The following HYKK variants were observed in gnomAD, a reference collection of about 807,000 sequenced individuals.
The protein encoded by HYKK is 5-hydroxy-L-lysine kinase.
A neutral mutation model predicts 29.7 loss-of-function variants in HYKK; 19 were observed. The ratio of observed to expected loss-of-function variants is 0.64; its 90% CI spans 0.45 to 0.94. HYKK has a LOEUF of 0.94. HYKK is among the 40% of genes least tolerant of loss of function. The pLI, the probability that HYKK is intolerant of heterozygous loss-of-function variation, is 0.00. For synonymous variants in HYKK, 152 were observed against 158.1 expected, an observed-to-expected ratio of 0.96 and a Z score of 0.29; for missense variants, 390 against 443.4, an observed-to-expected ratio of 0.88 and a Z score of 1.08.
chr15:78,531,208 T>C (rs1374516882), intron 4 of HYKK, among the ~76,000 whole-genome samples: 2 of 152,170 alleles, frequency 1.3e-5, no homozygotes, highest in East Asian at 3.9e-4. Flanking sequence ...ATATGTCTAG[T>C]GGCTACCATA....
intron 3 of HYKK, chr15:78,518,682 C>T: frequency 7.0e-6 from 3 of 431,258 alleles, no homozygotes; most frequent in East Asian, 7.8e-5. Context: ...CTTTGGGAGG[C>T]CGAGGCAGGT....
intron 1 of HYKK, among the ~76,000 whole-genome samples, chr15:78,510,361 A>T (rs980545260): frequency 1.1e-4 from 17 of 149,036 alleles, no homozygotes; most frequent in African/African-American, 2.5e-4. Flanking sequence ...TTTTTTTTTT[A>T]TTTTTATTTT....
At chr15:78,516,145 A>G (rs2052130160) in intron 3 of HYKK, among the ~76,000 whole-genome samples, 1 of 152,146 alleles carries the variant, frequency 6.6e-6, no homozygotes, top group Non-Finnish European at 1.5e-5. Flanking sequence ...AATGTATGAC[A>G]GGTACCTTTT....
chr15:78,515,474 T>C (rs1198187698), intron 3 of HYKK, among the ~76,000 whole-genome samples: 1 of 152,082 alleles, frequency 6.6e-6, no homozygotes, highest in African/African-American at 2.4e-5. Flanking sequence ...TCTCAGCTAC[T>C]TGGAAGACTG....
chr15:78,528,809 A>AG, intron 4 of HYKK: 1 of 983,412 alleles, frequency 1.0e-6, no homozygotes, highest in Non-Finnish European at 1.2e-6. Context: ...TCCAAAAAAA[A>AG]AAAAGGGCAA....
chr15:78,524,805 C>T (rs546495834), intron 3 of HYKK, among the ~76,000 whole-genome samples: 13 of 151,956 alleles, frequency 8.6e-5, no homozygotes, highest in Non-Finnish European at 1.2e-4. Context: ...AGAGACTCTG[C>T]CTCAAAAACA....
At chr15:78,519,306 C>A (rs1266249429) in intron 3 of HYKK, among the ~76,000 whole-genome samples, 1 of 152,224 alleles carries the variant, frequency 6.6e-6, no homozygotes, top group East Asian at 1.9e-4. Context: ...ACATATTAAA[C>A]ATTTCCGTCA....
At chr15:78,528,322 A>G (rs917650427) in intron 4 of HYKK, 2 of 565,876 alleles carry the variant, frequency 3.5e-6, no homozygotes, top group Non-Finnish European at 4.5e-6. Context: ...TTTATCCCAA[A>G]ACCATCCTTC....
intron 3 of HYKK, among the ~76,000 whole-genome samples, chr15:78,520,392 A>G (rs1029351766): frequency 1.9e-4 from 29 of 152,222 alleles, no homozygotes; most frequent in East Asian, 9.6e-4. Flanking sequence ...GCGGCCTTCC[A>G]CAGTGTTTGT....
chr15:78,533,312 G>T lies in HYKK; in HGVS notation c.764G>T (p.Gly255Val), dbSNP rs756658354. Residue 255 changes from glycine (G) to valine (V), a missense_variant, in exon 5 of 5, where the codon GGT becomes GTT. Physicochemically the swap from Gly to Val is moderately radical, Grantham distance 109. Transcript: ENST00000388988. ...CAAGTGTCTGGGATTTTAGACTTTG[G>T]TGACATGAGCTATGGCTACTATGTG... ...EYQVSGILDF[G>V]DMSYGYYVFE... is the part of the protein sequence containing the mutation. The T allele has an allele frequency of 3.0e-5, 49 of 1,613,958 alleles. No homozygotes were observed. Among genetic ancestry groups the T allele is most frequent in the East Asian group, 6.7e-5 (3 of 44,898 alleles).
rs765970899 is a variant in HYKK at position 78,533,671 on chromosome 15, C to G, written c.*1C>G. On this transcript the variant is annotated 3_prime_UTR_variant, in exon 5 of 5. Transcript: ENST00000388988. Reference sequence around the variant, plus strand: ...CTATGAATCTGGGATCTCCATGTGACTGAGATCTCCATGTGACTCAAAGTT... The same window carrying G: ...CTATGAATCTGGGATCTCCATGTGAGTGAGATCTCCATGTGACTCAAAGTT... 49 of 1,596,980 alleles carry G rather than the reference C, an allele frequency of 3.1e-5. No individual in the cohort carries two copies.
At chr15:78,526,275 C>CA (rs575466137) in intron 3 of HYKK, among the ~76,000 whole-genome samples, 64 of 152,168 alleles carry the variant, frequency 4.2e-4, no homozygotes, top group Non-Finnish European at 2.6e-4. Context: ...ACAAAACAGA[C>CA]AAAAAACAGC....
Position 78,535,488 on chromosome 15 carries a change from T to C in HYKK, c.*1818T>C, listed in dbSNP as rs1046507711. On this transcript the variant is annotated 3_prime_UTR_variant, in exon 5 of 5. Coordinates refer to ENST00000388988, the MANE Select transcript of HYKK (RefSeq NM_001013619.4). ...CTCATAGAATTAATAGAGTTCATTG[T>C]GAAGATTTCATAAGAGAACAGTGCC... 1.1e-4 allele frequency: 17 copies of C among 152,136 alleles called. No homozygotes were observed. The highest frequency in any genetic ancestry group is 3.6e-4 in the African/African-American group (15 of 41,502). 9.4% of individuals were successfully genotyped at this position (152,136 alleles called of 1,614,324 possible).
Position 78,513,335 on chromosome 15 carries a change from C to G in HYKK, c.247C>G (p.His83Asp), listed in dbSNP as rs778374700. 2 of 1,614,182 alleles carry G rather than the reference C, an allele frequency of 1.2e-6. No individual in the cohort carries two copies. The highest frequency in any genetic ancestry group is 1.7e-6 in the Non-Finnish European group (2 of 1,180,018). ...TCCAGACCTGATTGAAGTGCAGAAT[C>G]ACATCATCATGTTTCTGAAAGCCGC... ...KNPDLIEVQNHIIMFLKAAGF... is the reference protein window; with the variant it reads ...KNPDLIEVQNDIIMFLKAAGF... Residue 83 changes from histidine (H) to aspartate (D), a missense_variant, in exon 2 of 5, where the codon CAC becomes GAC. Transcript: ENST00000388988.
chr15:78,516,871 A>G (rs2052138721), intron 3 of HYKK, among the ~76,000 whole-genome samples: 1 of 151,882 alleles, frequency 6.6e-6, no homozygotes, highest in Non-Finnish European at 1.5e-5. Flanking sequence ...AAATACAAAA[A>G]ATTACCCTGG....
intron 3 of HYKK, among the ~76,000 whole-genome samples, chr15:78,526,859 C>G (rs866555790): frequency 6.6e-6 from 1 of 152,166 alleles, no homozygotes; most frequent in African/African-American, 2.4e-5. Context: ...AAGTCAATGA[C>G]CATGAGAGAA....
In HYKK at chr15:78,513,284, A is replaced by G. The variant is rs765372456; in HGVS notation, c.196A>G (p.Ile66Val). ...TGGCCCAACTGAATATGTCCTCAAAATAAGCAACACCAAGGCTAGCAAAAA... is the reference window on the plus strand; with the variant it reads ...TGGCCCAACTGAATATGTCCTCAAAGTAAGCAACACCAAGGCTAGCAAAAA... ...KDGPTEYVLK[I>V]SNTKASKNPD... is the part of the protein sequence containing the mutation. Residue 66 changes from isoleucine (I) to valine (V), a missense_variant, in exon 2 of 5, where the codon ATA becomes GTA. Coordinates refer to ENST00000388988, the MANE Select transcript of HYKK (RefSeq NM_001013619.4). The G allele has an allele frequency of 1.2e-6, 2 of 1,614,236 alleles. No individual in the cohort carries two copies. The highest frequency in any genetic ancestry group is 2.2e-5 in the East Asian group (1 of 44,888).
At chr15:78,530,501 T>C (rs77389451) in intron 4 of HYKK, among the ~76,000 whole-genome samples, 5,435 of 152,302 alleles carry the variant, frequency 0.036, 349 homozygotes, top group African/African-American at 0.12. Context: ...TACTTTATAT[T>C]AGTGCTGTCC....
chr15:78,531,458 G>C (rs2052311691), intron 4 of HYKK, among the ~76,000 whole-genome samples: 1 of 152,124 alleles, frequency 6.6e-6, no homozygotes, highest in South Asian at 2.1e-4. Context: ...ACATGTTAAA[G>C]TATATTTTAA....
Sources: gnomAD v4.1 joint callset for allele counts (sites outside exome capture counted in the v4.1 genomes callset) on GRCh38, gnomAD v4.1.1 for gene constraint, MANE v1.5 for transcripts, NCBI Gene and HGNC (gene_info 2026-07-23, HGNC 2026-07-21) for gene names.